IL1RAPL2: variants seen among roughly 807,000 people sequenced by gnomAD.
IL1RAPL2 encodes interleukin 1 receptor accessory protein like 2.
IL1RAPL2 carries 3 observed loss-of-function variants against 44.1 expected under a neutral mutation model. That is an observed-to-expected ratio of 0.07 (90% confidence interval 0.03 to 0.18). IL1RAPL2 has a LOEUF of 0.18. Ranked by LOEUF, IL1RAPL2 falls within the 10% of genes least tolerant of loss-of-function variation. The probability of loss-of-function intolerance (pLI) is 1.00; values close to 1 mark genes in which losing one functional copy is unlikely to be tolerated. For missense variants in IL1RAPL2, 391 were observed against 496.4 expected, an observed-to-expected ratio of 0.79 and a Z score of 2.02; for synonymous variants, 181 against 178.8, an observed-to-expected ratio of 1.01 and a Z score of -0.10.
chrX:105,028,238 G>C (rs999017539), intron 2 of IL1RAPL2, among the ~76,000 whole-genome samples: 3 of 110,860 alleles, frequency 2.7e-5, no homozygotes, highest in African/African-American at 9.8e-5. Flanking sequence ...AAAATAGTTA[G>C]AAAGAATGAA....
At chrX:105,209,678 G>T (rs1434761783) in intron 3 of IL1RAPL2, among the ~76,000 whole-genome samples, 2 of 112,000 alleles carry the variant, frequency 1.8e-5, no homozygotes, top group Non-Finnish European at 3.8e-5. Context: ...GATGGAAGTA[G>T]AATTAATTTT....
intron 5 of IL1RAPL2, among the ~76,000 whole-genome samples, chrX:105,354,304 A>G (rs1220775183): frequency 3.6e-5 from 4 of 110,029 alleles, no homozygotes; most frequent in African/African-American, 1.3e-4. Context: ...CATATACACC[A>G]TGGAATACTA....
intron 1 of IL1RAPL2, among the ~76,000 whole-genome samples, chrX:104,657,047 C>T (rs371745987): frequency 9.0e-6 from 1 of 110,856 alleles, no homozygotes; most frequent in Non-Finnish European, 1.9e-5. Flanking sequence ...TCCTCCATCC[C>T]TTTATTTTGA....
chrX:105,145,401 A>G (rs2033170582), intron 2 of IL1RAPL2, among the ~76,000 whole-genome samples: 1 of 111,653 alleles, frequency 9.0e-6, no homozygotes, highest in Non-Finnish European at 1.9e-5. Flanking sequence ...TGTAGTCCCT[A>G]AAAACCCTAG....
chrX:105,076,955 G>C (rs1273357140), intron 2 of IL1RAPL2, among the ~76,000 whole-genome samples: 11 of 110,843 alleles, frequency 9.9e-5, no homozygotes, highest in African/African-American at 3.3e-4. Context: ...GTGAGATGGG[G>C]TTCCTGAATA....
intron 2 of IL1RAPL2, among the ~76,000 whole-genome samples, chrX:104,761,845 T>C (rs941820100): frequency 3.3e-4 from 18 of 53,932 alleles, no homozygotes; most frequent in Non-Finnish European, 5.4e-4. Flanking sequence ...TCCTTCTCCT[T>C]CTTCTCCTTC....
chrX:105,352,818 A>G (rs1307840938), intron 5 of IL1RAPL2, among the ~76,000 whole-genome samples: 1 of 109,788 alleles, frequency 9.1e-6, no homozygotes, highest in African/African-American at 3.3e-5. Flanking sequence ...TTCATTGTAG[A>G]TTCTGGATAT....
chrX:105,010,326 C>T (rs1203216258), intron 2 of IL1RAPL2, among the ~76,000 whole-genome samples: 1 of 111,284 alleles, frequency 9.0e-6, no homozygotes, highest in East Asian at 2.8e-4. Flanking sequence ...TTGGGATGGA[C>T]TCTGAATGTT....
chrX:105,202,422 T>C (rs1361964323), intron 3 of IL1RAPL2, among the ~76,000 whole-genome samples: 12 of 112,623 alleles, frequency 1.1e-4, no homozygotes, highest in African/African-American at 3.5e-4. Flanking sequence ...TGCAGGGTTG[T>C]AAACTCAAAA....
intron 6 of IL1RAPL2, among the ~76,000 whole-genome samples, chrX:105,710,356 CTACTTT>C (rs1195441898): frequency 2.3e-3 from 146 of 62,798 alleles, no homozygotes; most frequent in Middle Eastern, 0.013. Context: ...GTAGAAAATC[CTACTTT>C]TTTTTTTTTT....
intron 5 of IL1RAPL2, among the ~76,000 whole-genome samples, chrX:105,366,040 T>C (rs1345903455): frequency 1.8e-5 from 2 of 110,802 alleles, no homozygotes; most frequent in Non-Finnish European, 3.8e-5. Flanking sequence ...CTCCACCTCC[T>C]GGGTTCAAGC....
intron 5 of IL1RAPL2, among the ~76,000 whole-genome samples, chrX:105,344,584 C>T (rs1336687503): frequency 8.9e-6 from 1 of 112,030 alleles, no homozygotes; most frequent in African/African-American, 3.2e-5. Context: ...TCATGCCACC[C>T]TCTCTGAAAT....
intron 2 of IL1RAPL2, among the ~76,000 whole-genome samples, chrX:105,034,442 A>G (rs1252960716): frequency 8.9e-6 from 1 of 112,250 alleles, no homozygotes; most frequent in Non-Finnish European, 1.9e-5. Context: ...TCCTTCTTAC[A>G]GACAGGACCC....
intron 5 of IL1RAPL2, among the ~76,000 whole-genome samples, chrX:105,391,066 A>G (rs947312050): frequency 9.0e-6 from 1 of 111,712 alleles, no homozygotes; most frequent in Non-Finnish European, 1.9e-5. Flanking sequence ...TAGGTAAGGC[A>G]AGGTAGTTGT....
intron 2 of IL1RAPL2, among the ~76,000 whole-genome samples, chrX:104,999,082 T>G (rs2030804003): frequency 8.9e-6 from 1 of 111,942 alleles, no homozygotes; most frequent in African/African-American, 3.2e-5. Flanking sequence ...ATTACAGGCA[T>G]GAGGCACTGT....
intron 2 of IL1RAPL2, among the ~76,000 whole-genome samples, chrX:105,093,121 C>A (rs930464484): frequency 2.7e-5 from 3 of 109,787 alleles, no homozygotes. Flanking sequence ...TGCTTCCACT[C>A]TACCAACCTC....
chrX:104,932,891 G>T (rs983692243), intron 2 of IL1RAPL2, among the ~76,000 whole-genome samples: 1 of 111,820 alleles, frequency 8.9e-6, no homozygotes, highest in African/African-American at 3.2e-5. Flanking sequence ...TCTTCCATTG[G>T]CACAGCCCTA....
chrX:105,392,459 C>T (rs1010002662), intron 5 of IL1RAPL2, among the ~76,000 whole-genome samples: 1 of 111,748 alleles, frequency 8.9e-6, no homozygotes, highest in African/African-American at 3.3e-5. Flanking sequence ...AGCTCTAGAC[C>T]AGGTATAATC....
chrX:104,690,605 C>T (rs1295944964), intron 2 of IL1RAPL2, among the ~76,000 whole-genome samples: 3 of 112,198 alleles, frequency 2.7e-5, no homozygotes, highest in Admixed American at 9.5e-5. Context: ...AAGACTACAA[C>T]GAGGAGTTTT....
Sources: allele counts gnomAD v4.1 joint callset (sites outside exome capture counted in the v4.1 genomes callset), GRCh38; gene constraint gnomAD v4.1.1; transcripts MANE v1.5; gene names NCBI Gene and HGNC (gene_info 2026-07-23, HGNC 2026-07-21).